Variants in TTC23L observed in about 807,000 individuals in gnomAD.
The protein encoded by TTC23L is tetratricopeptide repeat domain 23 like.
TTC23L carries 42 observed loss-of-function variants against 48.1 expected under a neutral mutation model. The observed-to-expected ratio is 0.87, with a 90% CI of 0.68 to 1.13. TTC23L has a LOEUF of 1.13. Ranked by LOEUF, TTC23L falls within the 50% of genes most tolerant of loss-of-function variation. The pLI is 0.00. For synonymous variants in TTC23L, 159 were observed against 157.2 expected, an observed-to-expected ratio of 1.01 and a Z score of -0.09; for missense variants, 391 against 421.0, an observed-to-expected ratio of 0.93 and a Z score of 0.62.
the TTC23L span, chr5:34,922,579 G>A: frequency 1.2e-6 from 2 of 1,606,980 alleles, no homozygotes; most frequent in Non-Finnish European, 1.7e-6. Flanking sequence ...TAAATTCCTT[G>A]TTCAAAATAG....
intron 9 of TTC23L, among the ~76,000 whole-genome samples, chr5:34,886,294 G>A (rs1035702158): frequency 1.3e-5 from 2 of 149,968 alleles, no homozygotes; most frequent in Non-Finnish European, 3.0e-5. Flanking sequence ...TCATTGTTGG[G>A]TACAATGCCT....
intron 1 of TTC23L, among the ~76,000 whole-genome samples, chr5:34,840,385 C>T (rs1042040161): frequency 1.6e-4 from 24 of 152,252 alleles, no homozygotes; most frequent in Middle Eastern, 3.4e-3. Context: ...TTTGATGACC[C>T]AGGAACTGTA....
chr5:34,869,537 A>G, intron 8 of TTC23L: 1 of 163,322 alleles, frequency 6.1e-6, no homozygotes, highest in Non-Finnish European at 1.4e-5. Flanking sequence ...ATCTTTTTGA[A>G]AGTGGGTGGC....
At chr5:34,898,466 G>A (rs1763364664) in intron 10 of TTC23L, among the ~76,000 whole-genome samples, 2 of 152,164 alleles carry the variant, frequency 1.3e-5, no homozygotes, top group Non-Finnish European at 2.9e-5. Flanking sequence ...CTGCCACCTT[G>A]TGGTGCGACA....
chr5:34,899,893 AAAAC>A (rs1379786852), downstream of TTC23L, among the ~76,000 whole-genome samples: 10 of 152,166 alleles, frequency 6.6e-5, no homozygotes, highest in African/African-American at 7.2e-5. Flanking sequence ...CGTCTCAAAA[AAAAC>A]AAACAAAAAA....
At chr5:34,901,986 A>G (rs1244201995), downstream of TTC23L, among the ~76,000 whole-genome samples, 4 of 152,222 alleles carry the variant, frequency 2.6e-5, no homozygotes, top group African/African-American at 7.2e-5. Context: ...GCAAGTGTAT[A>G]TCTAGCGAAA....
chr5:34,896,046 A>T (rs1763203355), intron 9 of TTC23L, among the ~76,000 whole-genome samples: 1 of 152,210 alleles, frequency 6.6e-6, no homozygotes, highest in African/African-American at 2.4e-5. Context: ...CAGCTTTTCC[A>T]AATCAGGATT....
the TTC23L span, among the ~76,000 whole-genome samples, chr5:34,904,606 AAAG>A: frequency 6.6e-6 from 1 of 150,900 alleles, no homozygotes; most frequent in African/African-American, 2.4e-5. Flanking sequence ...AAAAAAAAAA[AAAG>A]TTTATGTAAC....
chr5:34,883,254 A>T (rs993958862), intron 9 of TTC23L: 1 of 159,682 alleles, frequency 6.3e-6, no homozygotes, highest in Non-Finnish European at 1.4e-5. Flanking sequence ...GAGAGCCTAC[A>T]TTGTTATCCA....
Position 34,846,573 on chromosome 5 carries a change from AAAAATAT to A in TTC23L, c.255+902_255+908del, listed in dbSNP as rs1345837353. On this transcript the variant is annotated intron_variant, in intron 3 of 10. Coordinates refer to ENST00000505624, the Ensembl canonical transcript of TTC23L. ...CTAGACTCTGTCTCAAAAAAAAAAAAAAAATATATATATATATATATATATATACACA... is the reference window on the plus strand; with the variant it reads ...CTAGACTCTGTCTCAAAAAAAAAAAAATATATATATATATATATATACACA... 5.4e-3 allele frequency among the ~76,000 whole-genome samples: 621 copies of A among 114,676 alleles called. 98 individuals carry two copies. Among genetic ancestry groups the A allele is most frequent in the Middle Eastern group, 0.029 (7 of 240 alleles). 75.2% of individuals were successfully genotyped at this position (114,676 alleles called of 152,430 possible).
chr5:34,879,387 T>C (rs557410734), intron 8 of TTC23L, among the ~76,000 whole-genome samples: 15 of 152,308 alleles, frequency 9.8e-5, no homozygotes, highest in African/African-American at 3.1e-4. Flanking sequence ...TAGATTGATA[T>C]AAACGTATTA....
At chr5:34,921,955 G>T in the TTC23L span, 3 of 212,928 alleles carry the variant, frequency 1.4e-5, no homozygotes, top group Non-Finnish European at 2.7e-5. Context: ...AATCAGAAGT[G>T]AGACCATTTT....
chr5:34,862,849 T>A, intron 4 of TTC23L, 49 bp from the exon 5 acceptor site: 1 of 1,607,126 alleles, frequency 6.2e-7, no homozygotes, highest in South Asian at 1.1e-5. Flanking sequence ...GACTGAAGCA[T>A]GCCTTTTTAA....
At chr5:34,877,328 A>G (rs533015362) in intron 8 of TTC23L, among the ~76,000 whole-genome samples, 8 of 151,336 alleles carry the variant, frequency 5.3e-5, no homozygotes, top group Admixed American at 5.3e-4. Context: ...GATAAGTCAC[A>G]TCTACAAAAA....
intron 9 of TTC23L, among the ~76,000 whole-genome samples, chr5:34,894,758 G>A (rs151089454): frequency 2.7e-3 from 418 of 152,222 alleles, no homozygotes; most frequent in African/African-American, 9.6e-3. Context: ...TCCATAAAAT[G>A]GGGATGATAA....
chr5:34,840,778 G>A (rs768844098), intron 2 of TTC23L, 39 bp downstream of exon 2: 3 of 1,588,130 alleles, frequency 1.9e-6, no homozygotes, highest in Non-Finnish European at 1.7e-6. Context: ...GGTACTTACT[G>A]GGCTGAAACA....
chr5:34,866,839 T>C, intron 6 of TTC23L, 53 bp from the exon 7 acceptor site: 1 of 1,477,170 alleles, frequency 6.8e-7, no homozygotes, highest in Non-Finnish European at 9.1e-7. Context: ...CTTTTGTGTC[T>C]GCAAAGTAAG....
chr5:34,853,196 G>T (rs1189974805), intron 4 of TTC23L, among the ~76,000 whole-genome samples: 2 of 152,154 alleles, frequency 1.3e-5, no homozygotes, highest in Non-Finnish European at 2.9e-5. Flanking sequence ...GAGCACATAG[G>T]AGCAAGTTGA....
At chr5:34,884,511 C>T (rs1762429336) in intron 9 of TTC23L, among the ~76,000 whole-genome samples, 1 of 151,596 alleles carries the variant, frequency 6.6e-6, no homozygotes, top group Non-Finnish European at 1.5e-5. Context: ...GTAGAAAACC[C>T]TAATGATCAC....
Sources: gnomAD v4.1 joint callset for allele counts (sites outside exome capture counted in the v4.1 genomes callset) on GRCh38, gnomAD v4.1.1 for gene constraint, MANE v1.5 for transcripts, NCBI Gene and HGNC (gene_info 2026-07-23, HGNC 2026-07-21) for gene names.